EIF4E: variants seen among roughly 807,000 people sequenced by gnomAD.
EIF4E encodes eukaryotic translation initiation factor 4E.
For missense variants in EIF4E, 113 were observed against 265.6 expected (o/e 0.43, Z 3.99); for synonymous variants, 71 against 88.5 (o/e 0.80, Z 1.11).
intron 1 of EIF4E, among the ~76,000 whole-genome samples, chr4:98,927,733 A>C (rs532774359): frequency 3.7e-4 from 56 of 151,900 alleles, no homozygotes; most frequent in African/African-American, 1.3e-3. Context: ...CAAAACCACA[A>C]GCTACCATGA....
intron 2 of EIF4E, among the ~76,000 whole-genome samples, chr4:98,892,541 G>C (rs998908748): frequency 6.6e-6 from 1 of 150,828 alleles, no homozygotes; most frequent in Non-Finnish European, 1.5e-5. Flanking sequence ...ATTTAGCCAG[G>C]CCTGGTGGTA....
Position 98,887,244 on chromosome 4 carries a change from A to G in EIF4E, c.286-52T>C. The G allele has an allele frequency of 1.3e-6, 2 of 1,558,724 alleles. No individual in the cohort carries two copies. Among genetic ancestry groups the G allele is most frequent in the Non-Finnish European group, 1.8e-6 (2 of 1,130,230 alleles). ...ACACAACATTGTTACCTTGACTTTGAGAGATAATCATTAGAAACAGTTAAG... is the reference window on the plus strand; with the variant it reads ...ACACAACATTGTTACCTTGACTTTGGGAGATAATCATTAGAAACAGTTAAG... On this transcript the variant is annotated intron_variant, in intron 4 of 6. Transcript: ENST00000450253. This position sits in a 1 kb window ranked among gnomAD's most constrained non-coding sequence, Gnocchi z 4.0.
chr4:98,904,733 T>C (rs993251202), intron 1 of EIF4E, among the ~76,000 whole-genome samples: 1 of 152,214 alleles, frequency 6.6e-6, no homozygotes, highest in Non-Finnish European at 1.5e-5. Flanking sequence ...ATCGTGCCAC[T>C]GTTCTCCAGC....
intron 6 of EIF4E, among the ~76,000 whole-genome samples, chr4:98,883,694 C>A (rs759773778): frequency 6.6e-6 from 1 of 151,720 alleles, no homozygotes; most frequent in African/African-American, 2.4e-5. Flanking sequence ...TGAGCCACTG[C>A]GCCTGGTGTC....
At chr4:98,928,455 C>G (rs1018175940) in intron 1 of EIF4E, among the ~76,000 whole-genome samples, 3 of 152,122 alleles carry the variant, frequency 2.0e-5, no homozygotes, top group African/African-American at 4.8e-5. Flanking sequence ...CGGCAACTCT[C>G]CGGCGCGCTG....
At position 98,887,068 on chromosome 4, in the gene EIF4E, T is replaced by A; in HGVS notation, c.399+11A>T. 6.2e-7 allele frequency: 1 copy of A among 1,612,108 alleles called. No homozygotes were observed. The highest frequency in any genetic ancestry group is 8.5e-7 in the Non-Finnish European group (1 of 1,179,436). On this transcript the variant is annotated intron_variant, in intron 5 of 6. Coordinates refer to ENST00000450253, the MANE Select transcript of EIF4E (RefSeq NM_001968.5). This position sits in a 1 kb window ranked among gnomAD's most constrained non-coding sequence, Gnocchi z 4.0. ...TACCTCTAAAACTGCTTTATACTTT[T>A]AAAACCTTACTGTCTCTAGCCAAAA...
chr4:98,887,979 AAC>A lies in EIF4E; in HGVS notation c.222-29_222-28del, dbSNP rs1458445669. The A allele has an allele frequency of 6.3e-7, 1 of 1,576,476 alleles. No individual in the cohort carries two copies. Among genetic ancestry groups the A allele is most frequent in the African/African-American group, 1.4e-5 (1 of 73,942 alleles). ...TAGGTAAAAGAAAATAACAATTAAA[AAC>A]ACAGAATATGTAATATAGAGTTTAG... On this transcript the variant is annotated intron_variant, in intron 3 of 6. Transcript: ENST00000450253. The surrounding 1 kb of genome is among the most constrained non-coding windows in gnomAD (Gnocchi z 4.0).
Position 98,887,773 on chromosome 4 carries a change from A to G in EIF4E, c.285+116T>C, listed in dbSNP as rs1348132095. The G allele has an allele frequency of 1.1e-6, 1 of 885,910 alleles. No homozygotes were observed. The highest frequency in any genetic ancestry group is 2.2e-5 in the Admixed American group (1 of 45,378). The allele number at this position is 885,910 out of a possible 1,614,324, so 54.9% of individuals were successfully genotyped here. ...ACTAAAGCATACTACAGCCAATTAA[A>G]TTATCAGCCTATTCATCACACTATC... is the stretch of plus-strand genomic sequence containing the variant. On this transcript the variant is annotated intron_variant, in intron 4 of 6. Transcript: ENST00000450253. This position sits in a 1 kb window ranked among gnomAD's most constrained non-coding sequence, Gnocchi z 4.0.
At position 98,901,900 on chromosome 4, in the gene EIF4E, T is replaced by C. The variant is rs1162995059; in HGVS notation, c.101A>G (p.Tyr34Cys). ...SNQEVANPEHYIKHPLQNRWA... is the reference protein window; with the variant it reads ...SNQEVANPEHCIKHPLQNRWA... Reference sequence around the variant, plus strand: ...CCTGTTCTGTAGGGGATGTTTAATATAGTGTTCTGGGTTAGCAACCTCCTG... The same window carrying C: ...CCTGTTCTGTAGGGGATGTTTAATACAGTGTTCTGGGTTAGCAACCTCCTG... Residue 34 changes from tyrosine to cysteine, a missense_variant, in exon 2 of 7, where the codon TAT becomes TGT. Coordinates refer to ENST00000450253, the MANE Select transcript of EIF4E (RefSeq NM_001968.5). 1.2e-6 allele frequency: 2 copies of C among 1,612,232 alleles called. No homozygotes were observed. The highest frequency in any genetic ancestry group is 1.3e-5 in the African/African-American group (1 of 74,886).
intron 1 of EIF4E, among the ~76,000 whole-genome samples, chr4:98,906,788 G>T (rs1397520731): frequency 6.6e-6 from 1 of 152,126 alleles, no homozygotes; most frequent in Non-Finnish European, 1.5e-5. Context: ...CACTGCTTCT[G>T]ATCACACCCT....
chr4:98,903,608 G>A, intron 1 of EIF4E: 1 of 380,970 alleles, frequency 2.6e-6, no homozygotes, highest in Non-Finnish European at 5.1e-6. Flanking sequence ...CCTCCCAAGG[G>A]ATATGTTTTT....
chr4:98,896,834 G>T (rs1724432116), intron 2 of EIF4E, among the ~76,000 whole-genome samples: 2 of 152,008 alleles, frequency 1.3e-5, no homozygotes, highest in Non-Finnish European at 2.9e-5. Flanking sequence ...AAATGGTGGT[G>T]GTGCATGCCT....
chr4:98,885,548 A>C (rs1043745028), intron 5 of EIF4E, among the ~76,000 whole-genome samples: 2 of 152,086 alleles, frequency 1.3e-5, no homozygotes, highest in African/African-American at 4.8e-5. Flanking sequence ...CCTGGGCTCA[A>C]ATGATCCTTC....
intron 1 of EIF4E, among the ~76,000 whole-genome samples, chr4:98,925,723 G>C (rs745556440): frequency 1.3e-5 from 2 of 152,166 alleles, no homozygotes; most frequent in Admixed American, 1.3e-4. Context: ...AGCAGGAAAA[G>C]CCCATGGCTC....
At chr4:98,888,454 C>T (rs771616123) in intron 3 of EIF4E, among the ~76,000 whole-genome samples, 6 of 152,170 alleles carry the variant, frequency 3.9e-5, no homozygotes, top group Non-Finnish European at 8.8e-5. Flanking sequence ...CCAAACACCA[C>T]AAACTGTCAC....
rs1723577177 is a variant in EIF4E at position 98,879,306 on chromosome 4, G to T, written c.*1722C>A. On this transcript the variant is annotated 3_prime_UTR_variant, in exon 7 of 7. Transcript: ENST00000450253. ...TTAATTTCATGTTTATTTCATACAG[G>T]GTTTTTGTCAAGTTTATCAGTTTTA... The T allele has an allele frequency of 1.3e-5, 2 of 151,872 alleles. No homozygotes were observed. Among genetic ancestry groups the T allele is most frequent in the African/African-American group, 4.8e-5 (2 of 41,348 alleles). The allele number at this position is 151,872 out of a possible 1,614,324, so 9.4% of individuals were successfully genotyped here.
chr4:98,893,325 C>T (rs941339398), intron 2 of EIF4E, among the ~76,000 whole-genome samples: 6 of 152,258 alleles, frequency 3.9e-5, no homozygotes, highest in Non-Finnish European at 5.9e-5. Flanking sequence ...AAGACAACAA[C>T]GAAGTCTGTC....
intron 1 of EIF4E, among the ~76,000 whole-genome samples, chr4:98,919,755 C>A (rs926546632): frequency 4.0e-5 from 6 of 151,880 alleles, no homozygotes; most frequent in Non-Finnish European, 5.9e-5. Context: ...GATGGGGTTT[C>A]ACCATGTTGG....
At chr4:98,883,385 T>G (rs972768362) in intron 6 of EIF4E, among the ~76,000 whole-genome samples, 4 of 144,566 alleles carry the variant, frequency 2.8e-5, no homozygotes, top group African/African-American at 1.0e-4. Context: ...CATAAAATTG[T>G]AAGTCAAATT....
Sources: allele counts gnomAD v4.1 joint callset (sites outside exome capture counted in the v4.1 genomes callset), GRCh38; gene constraint gnomAD v4.1.1; non-coding constraint Gnocchi (gnomAD v3.1); transcripts MANE v1.5; gene names NCBI Gene and HGNC (gene_info 2026-07-23, HGNC 2026-07-21).